The following SLC35D2 variants were observed in gnomAD, a reference collection of about 807,000 sequenced individuals.
SLC35D2 encodes nucleotide sugar transporter SLC35D2.
In SLC35D2, 43 loss-of-function variants were observed where a neutral mutation model predicts 41.8. The observed-to-expected ratio is 1.03, with a 90% CI of 0.81 to 1.33. The LOEUF is 1.33. Ranked by LOEUF, SLC35D2 falls within the 40% of genes most tolerant of loss-of-function variation. The pLI is 0.00. For missense variants in SLC35D2, 380 were observed against 408.4 expected (o/e 0.93, Z 0.60); for synonymous variants, 150 against 163.9 (o/e 0.92, Z 0.65).
intron 4 of SLC35D2, among the ~76,000 whole-genome samples, chr9:96,352,719 A>G (rs955943443): frequency 4.6e-5 from 7 of 152,036 alleles, no homozygotes; most frequent in African/African-American, 1.2e-4. Flanking sequence ...TGACAAATCA[A>G]GTCAGGCCTA....
rs989708810 is a variant in SLC35D2, at chr9:96,368,197, A to G, written c.192+75T>C. The stretch of plus-strand genomic sequence containing the variant: ...GAATAAATTTGCAAACCACAGCTTT[A>G]AACAAAAGGACTTAAAATGTCATTA... On this transcript the variant is annotated intron_variant, in intron 2 of 11. Coordinates refer to ENST00000253270, the MANE Select transcript of SLC35D2 (RefSeq NM_007001.3). 7 of 1,253,428 alleles carry G rather than the reference A, an allele frequency of 5.6e-6. No individual in the cohort carries two copies. In the South Asian group the frequency reaches 9.7e-5, roughly 17 times the overall value. 77.6% of individuals were successfully genotyped at this position (1,253,428 alleles called of 1,614,324 possible).
intron 1 of SLC35D2, among the ~76,000 whole-genome samples, chr9:96,379,128 T>C (rs1831082404): frequency 7.1e-6 from 1 of 140,734 alleles, no homozygotes; most frequent in Admixed American, 7.3e-5. Flanking sequence ...CAAGAACCCC[T>C]CTCTACAGAA....
At chr9:96,370,092 G>T (rs1830618323) in intron 1 of SLC35D2, among the ~76,000 whole-genome samples, 1 of 152,088 alleles carries the variant, frequency 6.6e-6, no homozygotes, top group Non-Finnish European at 1.5e-5. Flanking sequence ...CACTCCCTGA[G>T]CATGGCCTGC....
chr9:96,344,723 AGGGAT>A (rs144377511), intron 7 of SLC35D2, among the ~76,000 whole-genome samples: 1,849 of 29,050 alleles, frequency 0.064, 36 homozygotes, highest in African/African-American at 0.08. Flanking sequence ...GGGGTGGGGG[AGGGAT>A]GGGGGAGGGG....
At chr9:96,371,717 T>TC (rs1830695701) in intron 1 of SLC35D2, among the ~76,000 whole-genome samples, 1 of 135,588 alleles carries the variant, frequency 7.4e-6, no homozygotes, top group East Asian at 2.0e-4. Flanking sequence ...AAACTAAATT[T>TC]CTTTTTTTTT....
chr9:96,345,723 C>T (rs1829545342), intron 6 of SLC35D2, among the ~76,000 whole-genome samples: 1 of 152,168 alleles, frequency 6.6e-6, no homozygotes, highest in African/African-American at 2.4e-5. Context: ...GGGAGTGATT[C>T]GCCCCGATCC....
downstream of SLC35D2, among the ~76,000 whole-genome samples, chr9:96,320,200 A>G (rs1165490861): frequency 6.6e-6 from 1 of 152,220 alleles, no homozygotes; most frequent in Non-Finnish European, 1.5e-5. Flanking sequence ...GAGAAGAAAC[A>G]AACAGGTGAG....
intron 9 of SLC35D2, among the ~76,000 whole-genome samples, chr9:96,331,405 T>C (rs1828802445): frequency 6.6e-6 from 1 of 152,150 alleles, no homozygotes; most frequent in Non-Finnish European, 1.5e-5. Flanking sequence ...AACACGTGGA[T>C]TCAGTGAGCA....
intron 9 of SLC35D2, among the ~76,000 whole-genome samples, chr9:96,327,117 T>C (rs1461299939): frequency 6.6e-6 from 1 of 152,180 alleles, no homozygotes; most frequent in African/African-American, 2.4e-5. Flanking sequence ...GCAGGCCGCC[T>C]ATGCACCAGC....
At chr9:96,364,330 A>C (rs1292741377) in intron 3 of SLC35D2, 134 bp downstream of exon 3, 4 of 596,910 alleles carry the variant, frequency 6.7e-6, no homozygotes, top group Admixed American at 3.1e-5. Flanking sequence ...GCGACAGTCC[A>C]TCTCAAACAA....
At chr9:96,356,299 A>G (rs1348193918) in intron 4 of SLC35D2, among the ~76,000 whole-genome samples, 2 of 151,952 alleles carry the variant, frequency 1.3e-5, no homozygotes, top group Admixed American at 6.6e-5. Flanking sequence ...ACCCAGCCTC[A>G]GGTAGTCCTT....
chr9:96,372,787 T>C (rs1830764142), intron 1 of SLC35D2, among the ~76,000 whole-genome samples: 1 of 151,332 alleles, frequency 6.6e-6, no homozygotes, highest in South Asian at 2.1e-4. Flanking sequence ...GGTTTCACCA[T>C]GTTAGCCAGG....
At chr9:96,356,584 GC>G (rs751239023) in intron 4 of SLC35D2, among the ~76,000 whole-genome samples, 9 of 149,658 alleles carry the variant, frequency 6.0e-5, no homozygotes, top group Non-Finnish European at 9.0e-5. Flanking sequence ...TAGATAGATA[GC>G]TGGCTGGGCA....
At position 96,331,095 on chromosome 9, in the gene SLC35D2, G is replaced by T. The variant is rs546179878; in HGVS notation, c.752+5622C>A. 2.0e-5 allele frequency among the ~76,000 whole-genome samples: 3 copies of T among 152,122 alleles called. No homozygotes were observed. In the East Asian group the frequency reaches 5.8e-4, roughly 29 times the overall value. On this transcript the variant is annotated intron_variant, in intron 9 of 11. Coordinates refer to ENST00000253270, the MANE Select transcript of SLC35D2 (RefSeq NM_007001.3). ...GTATATTTAGTAGAGACAGGGTTTC[G>T]CCATGTTGGCCAGGCTGATCTCGAA...
chr9:96,352,612 G>A (rs753753180), intron 4 of SLC35D2, among the ~76,000 whole-genome samples: 6 of 151,872 alleles, frequency 4.0e-5, no homozygotes, highest in African/African-American at 9.7e-5. Context: ...GTGAGCCACC[G>A]CACCTGGGCT....
At chr9:96,360,628 CAAAAAAAA>C (rs906000581) in intron 3 of SLC35D2, among the ~76,000 whole-genome samples, 769 of 15,690 alleles carry the variant, frequency 0.049, 54 homozygotes, top group East Asian at 0.4. Flanking sequence ...GACTTCATCT[CAAAAAAAA>C]AAAAAAAAAA....
intron 8 of SLC35D2, among the ~76,000 whole-genome samples, chr9:96,339,472 C>T (rs2130891382): frequency 6.6e-6 from 1 of 151,956 alleles, no homozygotes; most frequent in Admixed American, 6.6e-5. Context: ...GTATTAGTGG[C>T]ATTTTTAAAA....
intron 1 of SLC35D2, 54 bp from the exon 2 acceptor site, chr9:96,368,359 T>C (rs1000790285): frequency 1.8e-5 from 23 of 1,291,396 alleles, no homozygotes; most frequent in African/African-American, 3.0e-5. Flanking sequence ...ACTCTGAAGA[T>C]AGTACATAAT....
chr9:96,347,644 AC>A (rs970115334), intron 6 of SLC35D2, among the ~76,000 whole-genome samples: 84 of 152,172 alleles, frequency 5.5e-4, no homozygotes, highest in African/African-American at 1.9e-3. Context: ...CTCCCAAAGT[AC>A]TGGGATTGTC....
Sources: allele counts gnomAD v4.1 joint callset (sites outside exome capture counted in the v4.1 genomes callset), GRCh38; gene constraint gnomAD v4.1.1; transcripts MANE v1.5; gene names NCBI Gene and HGNC (gene_info 2026-07-23, HGNC 2026-07-21).